The following CPNE4 variants were observed in gnomAD, a reference collection of about 807,000 sequenced individuals.
CPNE4 encodes copine 4, also known as copine-4.
A neutral mutation model predicts 67.9 loss-of-function variants in CPNE4; 25 were observed. That is an observed-to-expected ratio of 0.37 (90% CI 0.27 to 0.51). The LOEUF (loss-of-function observed/expected upper bound fraction) is 0.51, where lower values mean the gene tolerates loss of function less well. Among genes scored for constraint, CPNE4 ranks in the 20% least tolerant of loss-of-function variants. The pLI is 0.93. For missense variants in CPNE4, 464 were observed against 690.8 expected (o/e 0.67, Z 3.68); for synonymous variants, 242 against 244.9 (o/e 0.99, Z 0.11).
chr3:131,916,735 C>G (rs1028176687), intron 1 of CPNE4, among the ~76,000 whole-genome samples: 6 of 152,142 alleles, frequency 3.9e-5, no homozygotes, highest in African/African-American at 1.4e-4. Flanking sequence ...TAACACGTGT[C>G]TATTAAGCAC....
At chr3:131,788,473 C>A (rs1004636706) in intron 2 of CPNE4, among the ~76,000 whole-genome samples, 3 of 151,906 alleles carry the variant, frequency 2.0e-5, no homozygotes, top group Non-Finnish European at 4.4e-5. Flanking sequence ...TTTTTAGGTA[C>A]CTAAGTGATA....
At chr3:131,916,310 T>TG (rs2089179652) in intron 1 of CPNE4, among the ~76,000 whole-genome samples, 1 of 139,734 alleles carries the variant, frequency 7.2e-6, no homozygotes, top group African/African-American at 2.7e-5. Context: ...AACAGGAAGC[T>TG]GGGGGGCTCA....
chr3:131,810,743 T>C (rs11917532), intron 2 of CPNE4, among the ~76,000 whole-genome samples: 17 of 152,248 alleles, frequency 1.1e-4, no homozygotes, highest in African/African-American at 4.1e-4. Flanking sequence ...GCCTTGTTCA[T>C]TGCAGCATTG....
At chr3:131,916,955 T>A (rs992651443) in intron 1 of CPNE4, among the ~76,000 whole-genome samples, 1 of 152,152 alleles carries the variant, frequency 6.6e-6, no homozygotes, top group Non-Finnish European at 1.5e-5. Context: ...GGAGACTGGA[T>A]GCGGAAGTGC....
chr3:131,553,259 G>T (rs1450922655), intron 12 of CPNE4, among the ~76,000 whole-genome samples: 1 of 151,996 alleles, frequency 6.6e-6, no homozygotes, highest in Non-Finnish European at 1.5e-5. Flanking sequence ...ACTCTTTTGG[G>T]TATCCATAAA....
intron 10 of CPNE4, among the ~76,000 whole-genome samples, chr3:131,566,802 T>C (rs1937079435): frequency 6.6e-6 from 1 of 151,950 alleles, no homozygotes; most frequent in Non-Finnish European, 1.5e-5. Flanking sequence ...AAGGTAAAAG[T>C]AATGCTGGGA....
chr3:132,037,568 T>C (rs185086634), upstream of CPNE4: 107 of 1,535,790 alleles, frequency 7.0e-5, no homozygotes, highest in Non-Finnish European at 8.2e-5. Flanking sequence ...TCCTCCCAGC[T>C]CTCCTTTTAA....
intron 7 of CPNE4, among the ~76,000 whole-genome samples, chr3:131,600,492 T>C (rs1470632676): frequency 6.6e-6 from 1 of 152,116 alleles, no homozygotes; most frequent in Non-Finnish European, 1.5e-5. Context: ...CCAAGTAAAA[T>C]GCAGGTCTTT....
intron 1 of CPNE4, among the ~76,000 whole-genome samples, chr3:131,954,913 G>T (rs989871014): frequency 1.3e-5 from 2 of 150,474 alleles, no homozygotes; most frequent in Admixed American, 6.6e-5. Flanking sequence ...CATTTGGGTT[G>T]GTTCCAAGTC....
chr3:131,665,238 T>C (rs1001491849), intron 7 of CPNE4, among the ~76,000 whole-genome samples: 1 of 151,754 alleles, frequency 6.6e-6, no homozygotes, highest in Non-Finnish European at 1.5e-5. Context: ...GGAAACACTA[T>C]AGAATTTTCT....
At chr3:131,622,671 TG>T (rs762537823) in intron 7 of CPNE4, among the ~76,000 whole-genome samples, 17 of 152,310 alleles carry the variant, frequency 1.1e-4, no homozygotes, top group South Asian at 6.2e-4. Context: ...AAGTCTGTGT[TG>T]GCTTCTATGT....
At chr3:132,005,342 TACACACACACAC>T (rs71639016) in intron 1 of CPNE4, among the ~76,000 whole-genome samples, 3,165 of 85,422 alleles carry the variant, frequency 0.037, 101 homozygotes, top group Middle Eastern at 0.054. Context: ...TATATATATA[TACACACACACAC>T]ACACACACAC....
intron 6 of CPNE4, among the ~76,000 whole-genome samples, chr3:131,681,520 A>G (rs2080755289): frequency 6.6e-6 from 1 of 152,068 alleles, no homozygotes. Flanking sequence ...TATTGTACGT[A>G]ATTTGTTTTT....
intron 7 of CPNE4, among the ~76,000 whole-genome samples, chr3:131,662,856 T>G (rs2080162049): frequency 6.6e-6 from 1 of 152,214 alleles, no homozygotes; most frequent in Non-Finnish European, 1.5e-5. Context: ...ACTTTTACAC[T>G]GTTGGTGGGA....
rs546020305 is a variant in CPNE4 at position 131,833,964 on chromosome 3, A to G, written c.180+71300T>C. Among the ~76,000 whole-genome samples, 5 of 152,360 alleles carry G rather than the reference A, an allele frequency of 3.3e-5. No individual in the cohort carries two copies. The East Asian group carries it at 9.6e-4, about 29-fold the overall frequency. ...GGTGAAGATATGTCTTTATATTTATATAGCTATTAAAGTGGTTAGTTAAAA... is the reference window on the plus strand; with the variant it reads ...GGTGAAGATATGTCTTTATATTTATGTAGCTATTAAAGTGGTTAGTTAAAA... On this transcript the variant is annotated intron_variant, in intron 2 of 15. Coordinates refer to ENST00000429747, the MANE Select transcript of CPNE4 (RefSeq NM_130808.3).
chr3:131,688,133 G>C (rs2080940368), intron 5 of CPNE4, among the ~76,000 whole-genome samples: 1 of 152,202 alleles, frequency 6.6e-6, no homozygotes, highest in Non-Finnish European at 1.5e-5. Flanking sequence ...AAGAATGCCA[G>C]TCTAGAAACT....
intron 15 of CPNE4, among the ~76,000 whole-genome samples, chr3:131,541,151 G>A (rs953420601): frequency 6.6e-6 from 1 of 152,052 alleles, no homozygotes. Context: ...AAAACACAAA[G>A]GCTATCCAGT....
At chr3:131,582,437 C>T (rs1366910889) in intron 8 of CPNE4, among the ~76,000 whole-genome samples, 1 of 152,146 alleles carries the variant, frequency 6.6e-6, no homozygotes, top group African/African-American at 2.4e-5. Context: ...TTCCTGCCCA[C>T]CAACCTATGA....
intron 2 of CPNE4, among the ~76,000 whole-genome samples, chr3:131,866,947 G>A (rs542597066): frequency 2.6e-5 from 4 of 152,266 alleles, no homozygotes; most frequent in Middle Eastern, 3.4e-3. Flanking sequence ...TTAAATTAAA[G>A]AGGGCACAGA....
Sources: gnomAD v4.1 joint callset for allele counts (sites outside exome capture counted in the v4.1 genomes callset) on GRCh38, gnomAD v4.1.1 for gene constraint, MANE v1.5 for transcripts, NCBI Gene and HGNC (gene_info 2026-07-23, HGNC 2026-07-21) for gene names.